DLGAP2: variants seen among roughly 807,000 people sequenced by gnomAD.
DLGAP2 encodes DLG associated protein 2.
A neutral mutation model predicts 100.3 loss-of-function variants in DLGAP2; 26 were observed. The ratio of observed to expected loss-of-function variants is 0.26; its 90% confidence interval spans 0.19 to 0.36. The LOEUF (loss-of-function observed/expected upper bound fraction) is 0.36, where lower values mean the gene tolerates loss of function less well. Among genes scored for constraint, DLGAP2 ranks in the 10% least tolerant of loss-of-function variants. The probability of loss-of-function intolerance (pLI) is 1.00; values close to 1 mark genes in which losing one functional copy is unlikely to be tolerated. For synonymous variants in DLGAP2, 886 were observed against 630.1 expected (o/e 1.41, Z -6.08); for missense variants, 1,858 against 1,453.2 (o/e 1.28, Z -4.53).
At chr8:1,360,075 A>T (rs1801945082) in intron 3 of DLGAP2, among the ~76,000 whole-genome samples, 2 of 152,256 alleles carry the variant, frequency 1.3e-5, no homozygotes, top group African/African-American at 4.8e-5. Context: ...TCCACTGAGG[A>T]AATCCACCGA....
At chr8:998,188 A>G (rs746073418) in intron 2 of DLGAP2, among the ~76,000 whole-genome samples, 2 of 152,266 alleles carry the variant, frequency 1.3e-5, no homozygotes, top group African/African-American at 2.4e-5. Flanking sequence ...ATGTGCATGC[A>G]CACATAAATA....
intron 3 of DLGAP2, among the ~76,000 whole-genome samples, chr8:1,449,141 C>G (rs776397528): frequency 6.6e-6 from 1 of 152,212 alleles, no homozygotes; most frequent in Non-Finnish European, 1.5e-5. Flanking sequence ...TTCCTCTCAT[C>G]TTCCCCTGAT....
At chr8:1,319,873 A>G in intron 3 of DLGAP2, among the ~76,000 whole-genome samples, 1 of 152,194 alleles carries the variant, frequency 6.6e-6, no homozygotes, top group East Asian at 1.9e-4. Context: ...ATGGAAAACC[A>G]CAGGAGACAA....
At chr8:1,357,934 G>A (rs1357456523) in intron 3 of DLGAP2, among the ~76,000 whole-genome samples, 2 of 152,170 alleles carry the variant, frequency 1.3e-5, no homozygotes, top group Non-Finnish European at 2.9e-5. Context: ...GAGCACCTGG[G>A]TGTTTCTGGC....
At chr8:922,142 G>A (rs182782652) in intron 2 of DLGAP2, among the ~76,000 whole-genome samples, 3 of 152,328 alleles carry the variant, frequency 2.0e-5, no homozygotes, top group East Asian at 1.9e-4. Flanking sequence ...TTTCAGAGGC[G>A]CCGAGTTTTT....
At chr8:1,507,255 G>T (rs1446746124) in intron 4 of DLGAP2, among the ~76,000 whole-genome samples, 2 of 152,230 alleles carry the variant, frequency 1.3e-5, no homozygotes, top group East Asian at 1.9e-4. Context: ...CCACCGCGAG[G>T]GGGAGGCTCA....
intron 2 of DLGAP2, among the ~76,000 whole-genome samples, chr8:1,212,744 CCT>C (rs67758517): frequency 0.082 from 11,659 of 141,372 alleles, 678 homozygotes; most frequent in African/African-American, 0.16. Context: ...TTTGCCAAGA[CCT>C]CTCTCTCTCT....
At chr8:1,590,793 T>A (rs1387777350) in intron 6 of DLGAP2, among the ~76,000 whole-genome samples, 1 of 152,166 alleles carries the variant, frequency 6.6e-6, no homozygotes, top group Non-Finnish European at 1.5e-5. Flanking sequence ...CCCATCCCGT[T>A]CGGAGGCTCC....
intron 3 of DLGAP2, among the ~76,000 whole-genome samples, chr8:1,331,158 T>C (rs937874275): frequency 2.0e-5 from 3 of 152,204 alleles, no homozygotes; most frequent in African/African-American, 7.2e-5. Context: ...GCCGTCACAG[T>C]GCACTGGGGG....
intron 1 of DLGAP2, among the ~76,000 whole-genome samples, chr8:776,007 G>A (rs1379194017): frequency 2.0e-5 from 3 of 151,880 alleles, no homozygotes; most frequent in African/African-American, 7.2e-5. Context: ...GTAAGCTATT[G>A]ATTATTGCCA....
At chr8:1,510,893 G>T (rs1800138585) in intron 4 of DLGAP2, among the ~76,000 whole-genome samples, 1 of 152,218 alleles carries the variant, frequency 6.6e-6, no homozygotes, top group Non-Finnish European at 1.5e-5. Flanking sequence ...AAGGAATTGT[G>T]TTTGGAGTAA....
chr8:1,610,018 C>A (rs1333325835), intron 6 of DLGAP2, among the ~76,000 whole-genome samples: 1 of 151,840 alleles, frequency 6.6e-6, no homozygotes, highest in Non-Finnish European at 1.5e-5. Flanking sequence ...GAATTGAACT[C>A]AGCTCTGTAC....
In DLGAP2 at chr8:1,482,202, A is replaced by C. The variant is rs73536532; in HGVS notation, c.107-19164A>C. Among the ~76,000 whole-genome samples the C allele has an allele frequency of 5.9e-3, 894 of 152,326 alleles. 13 individuals are homozygous for C. Among genetic ancestry groups the C allele is most frequent in the African/African-American group, 0.021 (856 of 41,588 alleles). On this transcript the variant is annotated intron_variant, in intron 3 of 14. Transcript: ENST00000637795. ...GCTTGAGAACGTGTGGGTTTTAAGG[A>C]TATTTTGAGATTCAGAACACTTGCT...
chr8:1,495,854 G>T (rs147117838), intron 3 of DLGAP2, among the ~76,000 whole-genome samples: 2 of 152,170 alleles, frequency 1.3e-5, no homozygotes, highest in African/African-American at 4.8e-5. Context: ...GTTAAATAGC[G>T]CGTGTCCATC....
In DLGAP2 at chr8:1,532,489, G is replaced by A. The variant is rs551834987; in HGVS notation, c.173-16137G>A. Reference sequence around the variant, plus strand: ...CTTTGTTTAAGAGTATTTTCATATGGAATACTATAATTACCTACCCAAAGG... The same window carrying A: ...CTTTGTTTAAGAGTATTTTCATATGAAATACTATAATTACCTACCCAAAGG... On this transcript the variant is annotated intron_variant, in intron 4 of 14. Transcript: ENST00000637795. Among the ~76,000 whole-genome samples, 324 of 152,152 alleles carry A rather than the reference G, an allele frequency of 2.1e-3. 1 individual carries two copies. The highest frequency in any genetic ancestry group is 3.9e-3 in the South Asian group (19 of 4,816).
At chr8:1,657,696 T>A (rs1481190797) in intron 8 of DLGAP2, among the ~76,000 whole-genome samples, 1 of 152,256 alleles carries the variant, frequency 6.6e-6, no homozygotes. Context: ...TACTTCCATG[T>A]TTCAGAAATC....
intron 2 of DLGAP2, among the ~76,000 whole-genome samples, chr8:1,081,401 GAGTGCAGTGGCGC>G (rs2129039536): frequency 6.6e-6 from 1 of 152,326 alleles, no homozygotes; most frequent in East Asian, 1.9e-4. Flanking sequence ...GCCCAGGTTG[GAGTGCAGTGGCGC>G]AGCCTTGGCT....
At chr8:1,144,798 C>A (rs780850817) in intron 2 of DLGAP2, among the ~76,000 whole-genome samples, 5 of 151,876 alleles carry the variant, frequency 3.3e-5, no homozygotes, top group Admixed American at 2.6e-4. Flanking sequence ...AAACCACAGA[C>A]GGCCTGTATG....
chr8:1,361,538 A>G (rs1323030016), intron 3 of DLGAP2, among the ~76,000 whole-genome samples: 1 of 152,224 alleles, frequency 6.6e-6, no homozygotes, highest in Non-Finnish European at 1.5e-5. Flanking sequence ...ACATTTCTTC[A>G]GCTTCTTCTT....
Sources: allele counts gnomAD v4.1 joint callset (sites outside exome capture counted in the v4.1 genomes callset), GRCh38; gene constraint gnomAD v4.1.1; transcripts MANE v1.5; gene names NCBI Gene and HGNC (gene_info 2026-07-23, HGNC 2026-07-21).